Variants in KMT5B observed in about 807,000 individuals in gnomAD.
The protein encoded by KMT5B is lysine methyltransferase 5B.
KMT5B carries 10 observed loss-of-function variants against 83.2 expected under a neutral mutation model. That is an observed-to-expected ratio of 0.12 (90% CI 0.07 to 0.20). The LOEUF (loss-of-function observed/expected upper bound fraction) is 0.20, where lower values mean the gene tolerates loss of function less well. Among genes scored for constraint, KMT5B ranks in the 10% least tolerant of loss-of-function variants. The pLI, the probability that KMT5B is intolerant of heterozygous loss-of-function variation, is 1.00. For missense variants in KMT5B, 753 were observed against 1,067.2 expected, an observed-to-expected ratio of 0.71 and a Z score of 4.10; for synonymous variants, 349 against 388.8, an observed-to-expected ratio of 0.90 and a Z score of 1.20.
At chr11:68,212,717 G>A (rs1861080102) in intron 1 of KMT5B, 1 of 152,316 alleles carries the variant, frequency 6.6e-6, no homozygotes, top group East Asian at 1.9e-4. Context: ...AGCTCGGGAG[G>A]GCTCCGAAAT....
At chr11:68,205,337 A>G (rs1026862410) in intron 1 of KMT5B, among the ~76,000 whole-genome samples, 8 of 151,934 alleles carry the variant, frequency 5.3e-5, no homozygotes, top group Admixed American at 3.3e-4. Flanking sequence ...AAATAAATAA[A>G]AAGTTTAAAT....
At chr11:68,175,598 A>G (rs1856285724) in intron 4 of KMT5B, among the ~76,000 whole-genome samples, 1 of 152,184 alleles carries the variant, frequency 6.6e-6, no homozygotes, top group South Asian at 2.1e-4. Context: ...AGCACACCTA[A>G]TTTAGAGTTA....
At chr11:68,189,054 G>C (rs1857749525) in intron 2 of KMT5B, among the ~76,000 whole-genome samples, 1 of 152,282 alleles carries the variant, frequency 6.6e-6, no homozygotes, top group South Asian at 2.1e-4. Flanking sequence ...ACCCTAAAAG[G>C]TAAGAAGGAA....
chr11:68,181,246 T>G (rs893652416), intron 3 of KMT5B, among the ~76,000 whole-genome samples: 1 of 152,084 alleles, frequency 6.6e-6, no homozygotes, highest in African/African-American at 2.4e-5. Flanking sequence ...GGCTAATTTT[T>G]GTATTTTTAG....
Position 68,158,439 on chromosome 11 carries a change from G to A in KMT5B, c.1907C>T (p.Pro636Leu). The change falls in exon 11 of 11, where the codon CCT (proline) becomes CTT (leucine). Residue 636 changes from proline to leucine, a missense_variant. This residue lies in a region of KMT5B where 397 missense variants were observed against 395.9 expected (regional missense o/e 1.00). Coordinates refer to ENST00000304363, the MANE Select transcript of KMT5B (RefSeq NM_017635.5). The part of the protein sequence containing the change: ...IEESTPVHDS[P>L]GKDDAVPDLM... ...ATCTGGTACCGCGTCGTCTTTTCCA[G>A]GAGAATCGTGCACTGGAGTAGATTC... 6.2e-7 allele frequency: 1 copy of A among 1,614,104 alleles called. No individual in the cohort carries two copies. The highest frequency in any genetic ancestry group is 1.3e-5 in the African/African-American group (1 of 75,036).
intron 1 of KMT5B, among the ~76,000 whole-genome samples, chr11:68,207,213 C>CA (rs371793366): frequency 0.069 from 7,735 of 112,168 alleles, 458 homozygotes; most frequent in Admixed American, 0.23. Flanking sequence ...GACTCCGTTT[C>CA]AAAAAAAAAA....
chr11:68,156,162 T>C lies in KMT5B; in HGVS notation c.*1526A>G, dbSNP rs898218948. ...TTTCAAGACATGGGCTACTTTCCTA[T>C]AGACACTATACAAATCCCCTGAATT... On this transcript the variant is annotated 3_prime_UTR_variant, in exon 11 of 11. Coordinates refer to ENST00000304363, the MANE Select transcript of KMT5B (RefSeq NM_017635.5). 2 of 152,214 alleles carry C rather than the reference T, an allele frequency of 1.3e-5. No homozygotes were observed. The highest frequency in any genetic ancestry group is 4.1e-4 in the South Asian group (2 of 4,836). 9.4% of individuals were successfully genotyped at this position (152,214 alleles called of 1,614,324 possible).
In KMT5B at chr11:68,201,662, G is replaced by A. The variant is rs150901848; in HGVS notation, c.-77+11476C>T. On this transcript the variant is annotated intron_variant, in intron 1 of 10. Transcript: ENST00000304363. ...TTAACGTAATTCCTGTGACATTACC[G>A]AGAACCCTCTAGCCAGTTGACATGC... Among the ~76,000 whole-genome samples, 64 of 152,212 alleles carry A rather than the reference G, an allele frequency of 4.2e-4. 1 individual carries two copies. The highest frequency in any genetic ancestry group is 3.4e-3 in the Middle Eastern group (1 of 294).
At chr11:68,201,497 C>T (rs1297226505) in intron 1 of KMT5B, among the ~76,000 whole-genome samples, 1 of 151,956 alleles carries the variant, frequency 6.6e-6, no homozygotes, top group African/African-American at 2.4e-5. Flanking sequence ...GAAATTGTGT[C>T]CAATTTGAGA....
intron 10 of KMT5B, chr11:68,165,779 T>C: frequency 6.5e-7 from 1 of 1,530,250 alleles, no homozygotes; most frequent in Middle Eastern, 2.3e-4. Flanking sequence ...GACTAACTCT[T>C]GTTGTTCACT....
Position 68,166,786 on chromosome 11 carries a change from C to T in KMT5B, c.1174+196G>A, listed in dbSNP as rs182069109. 3.6e-4 allele frequency: 509 copies of T among 1,410,874 alleles called. 1 individual carries two copies. Among genetic ancestry groups the T allele is most frequent in the Admixed American group, 1.5e-3 (50 of 34,196 alleles). The allele number at this position is 1,410,874 out of a possible 1,614,324, so 87.4% of individuals were successfully genotyped here. A position where few individuals can be genotyped will look rare whatever the true frequency, so the allele number is the denominator to read the frequency against. On this transcript the variant is annotated intron_variant, in intron 10 of 10. Coordinates refer to ENST00000304363, the MANE Select transcript of KMT5B (RefSeq NM_017635.5). ...TATTCAAGAAAAATAGTCTAGAGGACGGTACTGAAGTTAGAGATGGGATAC... is the reference window on the plus strand; with the variant it reads ...TATTCAAGAAAAATAGTCTAGAGGATGGTACTGAAGTTAGAGATGGGATAC...
At chr11:68,177,424 A>C (rs977403933) in intron 4 of KMT5B, among the ~76,000 whole-genome samples, 2 of 152,222 alleles carry the variant, frequency 1.3e-5, no homozygotes, top group African/African-American at 4.8e-5. Flanking sequence ...GACCAGGGTC[A>C]GCTAGGTAGC....
At chr11:68,192,203 T>C (rs746991514) in intron 1 of KMT5B, among the ~76,000 whole-genome samples, 15 of 152,218 alleles carry the variant, frequency 9.9e-5, no homozygotes, top group Admixed American at 1.3e-4. Flanking sequence ...GAGTGCACTC[T>C]ATGATATCTG....
chr11:68,163,508 A>G (rs1163984482), intron 10 of KMT5B, among the ~76,000 whole-genome samples: 2 of 152,228 alleles, frequency 1.3e-5, no homozygotes, highest in Non-Finnish European at 2.9e-5. Context: ...CCTCAAAATC[A>G]TAAGGCAGGG....
chr11:68,158,036 T>C lies in KMT5B; in HGVS notation c.2310A>G (p.Ser770=). Residue 770 remains serine (S), a synonymous_variant, in exon 11 of 11, where the codon TCA becomes TCG. Coordinates refer to ENST00000304363, the MANE Select transcript of KMT5B (RefSeq NM_017635.5). ...AKLNNGFNSG[S]GSSSTKLKIQ... is the part of the protein sequence containing the mutation. Reference sequence around the variant, plus strand: ...TTTTTAATTTTGTAGAACTACTGCCTGATCCTGAGTTAAATCCATTATTAA... The same window carrying C: ...TTTTTAATTTTGTAGAACTACTGCCCGATCCTGAGTTAAATCCATTATTAA... 1 of 1,614,224 alleles carries C rather than the reference T, an allele frequency of 6.2e-7. No homozygotes were observed. Among genetic ancestry groups the C allele is most frequent in the Non-Finnish European group, 8.5e-7 (1 of 1,180,042 alleles).
At chr11:68,209,086 A>T (rs565891361) in intron 1 of KMT5B, among the ~76,000 whole-genome samples, 4 of 152,262 alleles carry the variant, frequency 2.6e-5, no homozygotes, top group African/African-American at 9.6e-5. Flanking sequence ...CTAAAATCAG[A>T]TTGGTTTTCT....
intron 3 of KMT5B, among the ~76,000 whole-genome samples, chr11:68,181,067 T>C (rs898759797): frequency 3.5e-5 from 5 of 144,596 alleles, no homozygotes; most frequent in African/African-American, 1.3e-4. Context: ...ATCTACTCTT[T>C]CTTTTTTCTT....
intron 10 of KMT5B, among the ~76,000 whole-genome samples, chr11:68,160,134 C>T (rs1331669269): frequency 3.9e-5 from 6 of 152,140 alleles, no homozygotes; most frequent in Admixed American, 3.9e-4. Context: ...AATTCTTTTG[C>T]TACAGAATTT....
intron 1 of KMT5B, among the ~76,000 whole-genome samples, chr11:68,207,611 T>C (rs1393099408): frequency 2.0e-5 from 3 of 151,762 alleles, no homozygotes; most frequent in African/African-American, 7.3e-5. Context: ...GCGAACATAG[T>C]GAAAATCCAT....
Sources: allele counts gnomAD v4.1 joint callset (sites outside exome capture counted in the v4.1 genomes callset), GRCh38; gene constraint gnomAD v4.1.1; regional missense constraint gnomAD v4.1.1; transcripts MANE v1.5; gene names NCBI Gene and HGNC (gene_info 2026-07-23, HGNC 2026-07-21).